Variants in AGPAT3 observed in about 807,000 individuals in gnomAD.
The protein encoded by AGPAT3 is 1-acyl-sn-glycerol-3-phosphate acyltransferase gamma.
A neutral mutation model predicts 47.3 loss-of-function variants in AGPAT3; 5 were observed. The observed-to-expected ratio is 0.11, with a 90% CI of 0.06 to 0.22. The LOEUF is 0.22. AGPAT3 is among the 10% of genes least tolerant of loss of function. The probability of loss-of-function intolerance (pLI) is 1.00; values close to 1 mark genes in which losing one functional copy is unlikely to be tolerated. For missense variants in AGPAT3, 315 were observed against 493.0 expected (o/e 0.64, Z 3.42); for synonymous variants, 212 against 208.3 (o/e 1.02, Z -0.15).
At chr21:43,938,139 C>CACAT (rs2087516048) in intron 2 of AGPAT3, among the ~76,000 whole-genome samples, 1 of 151,606 alleles carries the variant, frequency 6.6e-6, no homozygotes, top group African/African-American at 2.4e-5. Context: ...CACACACACA[C>CACAT]ACTCACACTC....
At chr21:43,978,204 G>T in intron 8 of AGPAT3, 83 bp downstream of exon 8, 1 of 1,182,300 alleles carries the variant, frequency 8.5e-7, no homozygotes, top group South Asian at 1.3e-5. Flanking sequence ...CAGGTGACAC[G>T]TGGGAACTCC....
intron 2 of AGPAT3, among the ~76,000 whole-genome samples, chr21:43,951,522 ATCT>A (rs764542518): frequency 1.3e-5 from 2 of 152,180 alleles, no homozygotes; most frequent in Admixed American, 6.6e-5. Flanking sequence ...CAGTGGTGAC[ATCT>A]TCTTCCTGGA....
intron 1 of AGPAT3, among the ~76,000 whole-genome samples, chr21:43,874,942 G>A (rs543941682): frequency 2.6e-4 from 39 of 152,122 alleles, no homozygotes; most frequent in Non-Finnish European, 4.4e-4. Context: ...AAATGGTGTC[G>A]TATTTGTATA....
intron 7 of AGPAT3, 101 bp from the exon 8 acceptor site, chr21:43,977,945 C>A: frequency 1.2e-6 from 1 of 842,144 alleles, no homozygotes; most frequent in Non-Finnish European, 1.9e-6. Context: ...AGGAGTGGGG[C>A]CCATAGGCCA....
intron 2 of AGPAT3, among the ~76,000 whole-genome samples, chr21:43,943,911 T>G (rs2087761918): frequency 6.6e-6 from 1 of 152,146 alleles, no homozygotes; most frequent in African/African-American, 2.4e-5. Flanking sequence ...TAAACCACTT[T>G]CCCGCCGCAT....
chr21:43,975,452 G>A (rs1569106872), intron 7 of AGPAT3, among the ~76,000 whole-genome samples: 1 of 152,172 alleles, frequency 6.6e-6, no homozygotes, highest in Non-Finnish European at 1.5e-5. Context: ...GTGTTGCAAC[G>A]AGACTCAGCT....
chr21:43,890,046 C>A (rs1043891248), intron 1 of AGPAT3, among the ~76,000 whole-genome samples: 1 of 150,592 alleles, frequency 6.6e-6, no homozygotes, highest in Non-Finnish European at 1.5e-5. Flanking sequence ...TCCCTAAAAT[C>A]TGACATTTTG....
chr21:43,924,440 C>T (rs1432596957), intron 2 of AGPAT3, among the ~76,000 whole-genome samples: 1 of 152,206 alleles, frequency 6.6e-6, no homozygotes, highest in East Asian at 1.9e-4. Context: ...TGTCAGGAAC[C>T]AGGGACTAAG....
intron 2 of AGPAT3, among the ~76,000 whole-genome samples, chr21:43,929,871 C>T (rs2070546): frequency 0.28 from 41,901 of 152,220 alleles, 6,233 homozygotes; most frequent in South Asian, 0.36. Context: ...CGAGCTAAAT[C>T]CAGGTAGACA....
intron 2 of AGPAT3, among the ~76,000 whole-genome samples, chr21:43,953,811 C>T (rs1193123387): frequency 6.6e-6 from 1 of 152,204 alleles, no homozygotes; most frequent in Non-Finnish European, 1.5e-5. Context: ...AGACTTTACA[C>T]CCCTTGCATA....
chr21:43,958,861 T>TGTGTGTGTGGTGTGTG (rs2088638355), intron 2 of AGPAT3, among the ~76,000 whole-genome samples: 1 of 131,126 alleles, frequency 7.6e-6, no homozygotes, highest in African/African-American at 3.0e-5. Context: ...TGGTTTGCGG[T>TGTGTGTGTGGTGTGTG]GTGTGTGTGG....
intron 2 of AGPAT3, among the ~76,000 whole-genome samples, chr21:43,929,093 G>C (rs996591949): frequency 2.6e-5 from 4 of 152,214 alleles, no homozygotes; most frequent in African/African-American, 9.6e-5. Context: ...CCTGAGTGGC[G>C]GGGCCCCGAT....
intron 7 of AGPAT3, among the ~76,000 whole-genome samples, chr21:43,973,789 T>A (rs1176199765): frequency 6.6e-6 from 1 of 152,122 alleles, no homozygotes; most frequent in Non-Finnish European, 1.5e-5. Flanking sequence ...CCTGCTTTGG[T>A]GGCGATGCCC....
intron 2 of AGPAT3, among the ~76,000 whole-genome samples, chr21:43,956,126 C>T (rs906240544): frequency 3.3e-5 from 5 of 152,084 alleles, no homozygotes; most frequent in African/African-American, 9.7e-5. Context: ...CAGGTGGGGG[C>T]CAGGTGATGG....
At chr21:43,938,736 A>C (rs1256124175) in intron 2 of AGPAT3, among the ~76,000 whole-genome samples, 5 of 152,232 alleles carry the variant, frequency 3.3e-5, no homozygotes, top group African/African-American at 1.2e-4. Context: ...GTTACCCACA[A>C]ACTTAGCAGC....
At chr21:43,929,789 G>A (rs993488623) in intron 2 of AGPAT3, among the ~76,000 whole-genome samples, 2 of 152,232 alleles carry the variant, frequency 1.3e-5, no homozygotes, top group African/African-American at 4.8e-5. Context: ...CGTGAGTGCT[G>A]GGCCTTGACC....
intron 2 of AGPAT3, among the ~76,000 whole-genome samples, chr21:43,926,702 G>A (rs1390923017): frequency 1.6e-5 from 2 of 124,228 alleles, no homozygotes; most frequent in Non-Finnish European, 3.2e-5. Context: ...GCTGATGCCT[G>A]TAATCCCAGC....
intron 1 of AGPAT3, among the ~76,000 whole-genome samples, chr21:43,884,840 G>A (rs991916507): frequency 4.6e-5 from 7 of 152,182 alleles, no homozygotes; most frequent in African/African-American, 1.7e-4. Context: ...CCTTGGGTGT[G>A]GGGCAAGCCA....
chr21:43,973,413 T>C (rs1365750823), intron 7 of AGPAT3, among the ~76,000 whole-genome samples: 1 of 152,202 alleles, frequency 6.6e-6, no homozygotes, highest in Non-Finnish European at 1.5e-5. Flanking sequence ...AGAGGAGCCC[T>C]TGAGGCACGT....
Sources: gnomAD v4.1 joint callset for allele counts (sites outside exome capture counted in the v4.1 genomes callset) on GRCh38, gnomAD v4.1.1 for gene constraint, MANE v1.5 for transcripts, NCBI Gene and HGNC (gene_info 2026-07-23, HGNC 2026-07-21) for gene names.